RIMS1: variants seen among roughly 807,000 people sequenced by gnomAD.
RIMS1 encodes the protein regulating synaptic membrane exocytosis protein 1.
A neutral mutation model predicts 214.1 loss-of-function variants in RIMS1; 83 were observed. That is an observed-to-expected ratio of 0.39 (90% CI 0.32 to 0.47). The LOEUF (loss-of-function observed/expected upper bound fraction) is 0.47, where lower values mean the gene tolerates loss of function less well. Among genes scored for constraint, RIMS1 ranks in the 20% least tolerant of loss-of-function variants. The pLI is 0.99. For synonymous variants in RIMS1, 793 were observed against 786.8 expected (o/e 1.01, Z -0.13); for missense variants, 2,050 against 2,161.8 (o/e 0.95, Z 1.03).
chr6:72,241,598 GTTATT>G (rs1267490047), intron 9 of RIMS1, among the ~76,000 whole-genome samples: 1 of 151,924 alleles, frequency 6.6e-6, no homozygotes, highest in Non-Finnish European at 1.5e-5. Context: ...TTAATGTTTG[GTTATT>G]TTAAAGTGTG....
chr6:72,116,784 C>G (rs2037167442), intron 4 of RIMS1, among the ~76,000 whole-genome samples: 2 of 151,980 alleles, frequency 1.3e-5, no homozygotes. Context: ...TAAATTTCTT[C>G]TCTCACCATT....
chr6:72,273,174 G>A (rs1034978955), intron 22 of RIMS1, among the ~76,000 whole-genome samples: 28 of 151,988 alleles, frequency 1.8e-4, no homozygotes, highest in Non-Finnish European at 8.8e-5. Flanking sequence ...TGATGACCTC[G>A]CATATCCTGA....
At chr6:71,951,492 T>TTG (rs1554151372) in intron 1 of RIMS1, among the ~76,000 whole-genome samples, 38 of 117,454 alleles carry the variant, frequency 3.2e-4, no homozygotes, top group Admixed American at 6.1e-4. Context: ...TTTTTTTTTT[T>TTG]TGTGTGTGTG....
chr6:72,364,990 C>T (rs1237526629), intron 29 of RIMS1, among the ~76,000 whole-genome samples: 1 of 152,162 alleles, frequency 6.6e-6, no homozygotes, highest in African/African-American at 2.4e-5. Context: ...TCCTTGCATA[C>T]AGGAACAGTG....
intron 22 of RIMS1, among the ~76,000 whole-genome samples, chr6:72,272,809 G>A (rs2084095607): frequency 6.6e-6 from 1 of 152,072 alleles, no homozygotes; most frequent in Non-Finnish European, 1.5e-5. Context: ...ATACCTTAAT[G>A]TAGAAAATGC....
chr6:72,194,503 T>C lies in RIMS1; in HGVS notation c.1678+11354T>C, dbSNP rs529831328. 2.6e-5 allele frequency among the ~76,000 whole-genome samples: 4 copies of C among 152,274 alleles called. No individual in the cohort carries two copies. In the East Asian group the frequency reaches 7.7e-4, roughly 29 times the overall value. ...GTATTTACTGAGGTTAAAAAAAATA[T>C]GCTTCCTACTCTAATGGAGTTTATA... On this transcript the variant is annotated intron_variant, in intron 6 of 33. Coordinates refer to ENST00000521978, the MANE Select transcript of RIMS1 (RefSeq NM_014989.7).
At chr6:72,228,691 C>G (rs2061027110) in intron 6 of RIMS1, among the ~76,000 whole-genome samples, 1 of 151,744 alleles carries the variant, frequency 6.6e-6, no homozygotes, top group South Asian at 2.1e-4. Context: ...TATTGCTAGA[C>G]CATATGGTAG....
chr6:71,924,682 C>T (rs535688791), intron 1 of RIMS1, among the ~76,000 whole-genome samples: 9 of 148,960 alleles, frequency 6.0e-5, no homozygotes, highest in Non-Finnish European at 8.9e-5. Flanking sequence ...TGGTGTGTGC[C>T]TATAGTCCCA....
intron 4 of RIMS1, among the ~76,000 whole-genome samples, chr6:72,143,158 C>A (rs763386142): frequency 6.0e-4 from 91 of 152,120 alleles, no homozygotes; most frequent in Non-Finnish European, 1.2e-3. Flanking sequence ...AACATATAGG[C>A]TAGTGATAAA....
At chr6:72,196,377 G>GTTTATCTA (rs1334799674) in intron 6 of RIMS1, among the ~76,000 whole-genome samples, 24 of 144,090 alleles carry the variant, frequency 1.7e-4, no homozygotes, top group African/African-American at 5.2e-4. Context: ...CTGTCTGTCT[G>GTTTATCTA]TCTATCTATC....
chr6:72,175,679 C>CAA (rs11398431), intron 4 of RIMS1, among the ~76,000 whole-genome samples: 74 of 145,476 alleles, frequency 5.1e-4, no homozygotes, highest in South Asian at 1.7e-3. Context: ...ATTCCCCCAC[C>CAA]AAAAAAAAAA....
rs554264210 is a variant in RIMS1, at chr6:72,338,160, C to T, written c.4366+4325C>T. Among the ~76,000 whole-genome samples, 1,159 of 151,592 alleles carry T rather than the reference C, an allele frequency of 7.6e-3. 14 individuals carry two copies. Among genetic ancestry groups the T allele is most frequent in the African/African-American group, 0.027 (1,097 of 41,358 alleles). ...TTCTAGTTCTAGATCCCTGAGGAATCGCCACACTGACTTCCACAATGGTTG... is the reference window on the plus strand; with the variant it reads ...TTCTAGTTCTAGATCCCTGAGGAATTGCCACACTGACTTCCACAATGGTTG... On this transcript the variant is annotated intron_variant, in intron 29 of 33. Coordinates refer to ENST00000521978, the MANE Select transcript of RIMS1 (RefSeq NM_014989.7).
chr6:72,194,453 A>G lies in RIMS1; in HGVS notation c.1678+11304A>G, dbSNP rs74376771. On this transcript the variant is annotated intron_variant, in intron 6 of 33. Transcript: ENST00000521978. ...GCTGAGTTTGTTCTTATGTTTGTTA[A>G]AAAAAGGTATTTCACATTTTCTATG... Among the ~76,000 whole-genome samples, 140 of 152,188 alleles carry G rather than the reference A, an allele frequency of 9.2e-4. 1 individual carries two copies. The East Asian group carries it at 0.024, about 26-fold the overall frequency.
At chr6:72,075,071 C>T (rs1209688484) in intron 2 of RIMS1, among the ~76,000 whole-genome samples, 1 of 152,056 alleles carries the variant, frequency 6.6e-6, no homozygotes, top group African/African-American at 2.4e-5. Context: ...AGATAGGAGC[C>T]ACTGTGCCTG....
rs138886649 is a variant in RIMS1 at position 72,261,786 on chromosome 6, G to T, written c.3116+1019G>T. On this transcript the variant is annotated intron_variant, in intron 19 of 33. Transcript: ENST00000521978. ...ATAAAAATTGTTTGAACTTTTTACAGTCTGAAGTTATACTACTCATAACTA... is the reference window on the plus strand; with the variant it reads ...ATAAAAATTGTTTGAACTTTTTACATTCTGAAGTTATACTACTCATAACTA... 69 of 985,192 alleles carry T rather than the reference G, an allele frequency of 7.0e-5. 1 individual carries two copies. The African/African-American group carries it at 9.9e-4, about 14-fold the overall frequency. 61.0% of individuals were successfully genotyped at this position (985,192 alleles called of 1,614,324 possible).
At chr6:72,166,184 A>G (rs573285151) in intron 4 of RIMS1, among the ~76,000 whole-genome samples, 4 of 152,248 alleles carry the variant, frequency 2.6e-5, no homozygotes, top group African/African-American at 9.6e-5. Flanking sequence ...ATGTGAAAAG[A>G]GAGCTAGAGA....
At position 72,366,556 on chromosome 6, in the gene RIMS1, A is replaced by G. The variant is rs566275552; in HGVS notation, c.4367-24042A>G. ...TGGCCCTTTAGCAGTTTTCAAATTT[A>G]TGACACATGGCAAATTTGCTTAGTG... On this transcript the variant is annotated intron_variant, in intron 29 of 33. Coordinates refer to ENST00000521978, the MANE Select transcript of RIMS1 (RefSeq NM_014989.7). Among the ~76,000 whole-genome samples the G allele has an allele frequency of 3.3e-5, 5 of 152,344 alleles. No homozygotes were observed. The East Asian group carries it at 9.6e-4, about 29-fold the overall frequency.
At chr6:72,042,751 A>G (rs1196892268) in intron 2 of RIMS1, among the ~76,000 whole-genome samples, 1 of 151,794 alleles carries the variant, frequency 6.6e-6, no homozygotes, top group Non-Finnish European at 1.5e-5. Context: ...GAGTATTTCT[A>G]ATGGAGTTGC....
At chr6:72,164,095 C>T (rs1373543595) in intron 4 of RIMS1, among the ~76,000 whole-genome samples, 4 of 152,146 alleles carry the variant, frequency 2.6e-5, no homozygotes, top group Non-Finnish European at 4.4e-5. Flanking sequence ...CAATGGTGGG[C>T]GCCCCTCCCC....
Sources: gnomAD v4.1 joint callset for allele counts (sites outside exome capture counted in the v4.1 genomes callset) on GRCh38, gnomAD v4.1.1 for gene constraint, MANE v1.5 for transcripts, NCBI Gene and HGNC (gene_info 2026-07-23, HGNC 2026-07-21) for gene names.